The following DAPK2 variants were observed in gnomAD, a reference collection of about 807,000 sequenced individuals.
DAPK2 encodes the protein death associated protein kinase 2.
Under a neutral mutation model 44.1 loss-of-function variants are expected in DAPK2, and 35 were observed. The observed-to-expected ratio is 0.79, with a 90% CI of 0.61 to 1.05. The LOEUF (loss-of-function observed/expected upper bound fraction) is 1.05, where lower values mean the gene tolerates loss of function less well. Ranked by LOEUF, DAPK2 falls within the 50% of genes least tolerant of loss-of-function variation. The pLI, the probability that DAPK2 is intolerant of heterozygous loss-of-function variation, is 0.00. For missense variants in DAPK2, 453 were observed against 483.2 expected, an observed-to-expected ratio of 0.94 and a Z score of 0.59; for synonymous variants, 174 against 182.6, an observed-to-expected ratio of 0.95 and a Z score of 0.38.
chr15:64,044,078 C>T (rs572508938), upstream of DAPK2, among the ~76,000 whole-genome samples: 3 of 152,176 alleles, frequency 2.0e-5, no homozygotes, highest in Admixed American at 6.5e-5. Context: ...GAATTATAGT[C>T]ACCAGCTAGG....
At chr15:63,943,752 T>A (rs1255350539) in intron 3 of DAPK2, among the ~76,000 whole-genome samples, 2 of 152,144 alleles carry the variant, frequency 1.3e-5, no homozygotes, top group Non-Finnish European at 2.9e-5. Context: ...GGCACACGCC[T>A]GTAGTTGCCA....
At chr15:64,045,973 G>T (rs1033738401) in intron 1 of DAPK2, among the ~76,000 whole-genome samples, 1 of 152,208 alleles carries the variant, frequency 6.6e-6, no homozygotes, top group African/African-American at 2.4e-5. Context: ...GGCGTGCTCT[G>T]CCCGTTCCAG....
At chr15:63,969,703 T>C (rs1369474797) in intron 3 of DAPK2, among the ~76,000 whole-genome samples, 1 of 151,010 alleles carries the variant, frequency 6.6e-6, no homozygotes, top group Non-Finnish European at 1.5e-5. Flanking sequence ...ATCACACCAC[T>C]GTGTTCCAGT....
intron 1 of DAPK2, among the ~76,000 whole-genome samples, chr15:63,993,006 C>T (rs2078858791): frequency 6.6e-6 from 1 of 152,236 alleles, no homozygotes; most frequent in African/African-American, 2.4e-5. Flanking sequence ...GTTTGAGGCT[C>T]TCCTGTTACT....
chr15:63,971,704 TTGTC>T (rs1264016360), intron 2 of DAPK2, 143 bp from the exon 4 acceptor site: 37 of 910,478 alleles, frequency 4.1e-5, no homozygotes, highest in Middle Eastern at 3.3e-4. Context: ...TTCTGGGGCT[TTGTC>T]TGTCCAGTGC....
chr15:63,922,805 G>T, intron 8 of DAPK2: 1 of 1,535,830 alleles, frequency 6.5e-7, no homozygotes, highest in Non-Finnish European at 8.7e-7. Flanking sequence ...GGATTCACTG[G>T]TGTCCTGGTA....
chr15:63,919,711 C>A (rs1404342421), intron 8 of DAPK2: 1 of 152,270 alleles, frequency 6.6e-6, no homozygotes, highest in Non-Finnish European at 1.5e-5. Flanking sequence ...GTCTCACACT[C>A]CTGACCTCAA....
At chr15:63,911,734 A>T in intron 10 of DAPK2, 174 bp downstream of exon 11, 1 of 675,010 alleles carries the variant, frequency 1.5e-6, no homozygotes, top group Admixed American at 2.5e-5. Context: ...TCCCCAGAAC[A>T]CACTCCTCTG....
rs781771246 is a variant in DAPK2 at position 63,939,181 on chromosome 15, T to C, written c.583+51A>G. 1 of 1,607,356 alleles carries C rather than the reference T, an allele frequency of 6.2e-7. No individual in the cohort carries two copies. Among genetic ancestry groups the C allele is most frequent in the Admixed American group, 1.7e-5 (1 of 59,200 alleles). ...GACACAGGTTTCTTCCCAGGATCCCTACCTTTGATGCCAGATTCTTAGCTG... is the reference window on the plus strand; with the variant it reads ...GACACAGGTTTCTTCCCAGGATCCCCACCTTTGATGCCAGATTCTTAGCTG... On this transcript the variant is annotated intron_variant, in intron 4 of 10. Coordinates refer to ENST00000261891, the Ensembl canonical transcript of DAPK2. This position sits in a 1 kb window ranked among gnomAD's most constrained non-coding sequence, Gnocchi z 4.3.
chr15:63,938,351 T>C (rs891808078), intron 4 of DAPK2, among the ~76,000 whole-genome samples: 1 of 152,232 alleles, frequency 6.6e-6, no homozygotes, highest in African/African-American at 2.4e-5. Context: ...ACAATGTTTG[T>C]AGAGCATGAG....
intron 3 of DAPK2, among the ~76,000 whole-genome samples, chr15:63,951,618 G>A (rs919405629): frequency 6.6e-5 from 10 of 152,080 alleles, no homozygotes; most frequent in African/African-American, 1.9e-4. Context: ...CATCCCCACC[G>A]AGTCTCACTA....
rs188331870 is a variant in DAPK2 at position 63,917,603 on chromosome 15, G to A, written c.859-5406C>T. On this transcript the variant is annotated intron_variant, in intron 8 of 10. Coordinates refer to ENST00000261891, the Ensembl canonical transcript of DAPK2. This position sits in a 1 kb window ranked among gnomAD's most constrained non-coding sequence, Gnocchi z 4.4. ...AGTTTTGGCAATTTTCCTGCTGAGG[G>A]GACCATAACAAAAAGTTTAAAACAC... The A allele has an allele frequency of 1.3e-5, 2 of 152,136 alleles. No individual in the cohort carries two copies. The highest frequency in any genetic ancestry group is 1.3e-4 in the Admixed American group (2 of 15,282). 9.4% of individuals were successfully genotyped at this position (152,136 alleles called of 1,614,324 possible). A position where few individuals can be genotyped will look rare whatever the true frequency, so the allele number is the denominator to read the frequency against.
rs914379026 is a variant in DAPK2 at position 63,980,384 on chromosome 15, T to A, written c.314+3149A>T. Among the ~76,000 whole-genome samples the A allele has an allele frequency of 6.6e-6, 1 of 152,224 alleles. No individual in the cohort carries two copies. Among genetic ancestry groups the A allele is most frequent in the East Asian group, 1.9e-4 (1 of 5,204 alleles). On this transcript the variant is annotated intron_variant, in intron 2 of 10. Transcript: ENST00000261891. This position sits in a 1 kb window ranked among gnomAD's most constrained non-coding sequence, Gnocchi z 4.3. ...ATTATAGTAAGAAAGTATCAATTTA[T>A]AGCTATAAAGATCAATAAATAATGA...
At chr15:64,015,160 C>T (rs1372865060) in intron 1 of DAPK2, among the ~76,000 whole-genome samples, 1 of 152,158 alleles carries the variant, frequency 6.6e-6, no homozygotes, top group Admixed American at 6.5e-5. Flanking sequence ...GTGCCAGCTG[C>T]AGTCTGGCAG....
intron 1 of DAPK2, among the ~76,000 whole-genome samples, chr15:64,014,936 A>G (rs553611803): frequency 6.6e-6 from 1 of 152,280 alleles, no homozygotes; most frequent in South Asian, 2.1e-4. Flanking sequence ...TCAAAAAAAA[A>G]AAAAAAACAT....
At chr15:64,002,097 C>T (rs1473632026) in intron 1 of DAPK2, among the ~76,000 whole-genome samples, 1 of 152,202 alleles carries the variant, frequency 6.6e-6, no homozygotes, top group Non-Finnish European at 1.5e-5. Context: ...CCTTGGGAGG[C>T]TCATGGGGAC....
intron 1 of DAPK2, among the ~76,000 whole-genome samples, chr15:64,006,819 G>A (rs990161247): frequency 1.3e-5 from 2 of 152,136 alleles, no homozygotes; most frequent in Admixed American, 6.5e-5. Flanking sequence ...CCTGCCAGGG[G>A]AAGGCCTGGC....
At chr15:64,016,084 C>A (rs529116138) in intron 1 of DAPK2, among the ~76,000 whole-genome samples, 1 of 152,196 alleles carries the variant, frequency 6.6e-6, no homozygotes, top group African/African-American at 2.4e-5. Context: ...TCAGGGCCCA[C>A]GCAGCGCAGG....
intron 3 of DAPK2, among the ~76,000 whole-genome samples, chr15:63,969,614 G>C (rs1363476575): frequency 6.6e-6 from 1 of 151,946 alleles, no homozygotes; most frequent in Admixed American, 6.6e-5. Context: ...GGTGGCACAC[G>C]CCTTTAGTCC....
Sources: allele counts gnomAD v4.1 joint callset (sites outside exome capture counted in the v4.1 genomes callset), GRCh38; gene constraint gnomAD v4.1.1; non-coding constraint Gnocchi (gnomAD v3.1); transcripts MANE v1.5; gene names NCBI Gene and HGNC (gene_info 2026-07-23, HGNC 2026-07-21).